The following SNX29 variants were observed in gnomAD, a reference collection of about 807,000 sequenced individuals.
SNX29 encodes the protein sorting nexin 29, also known as sorting nexin-29.
In SNX29, 78 loss-of-function variants were observed where a neutral mutation model predicts 102.1. The observed-to-expected ratio is 0.76, with a 90% CI of 0.64 to 0.92. The LOEUF (loss-of-function observed/expected upper bound fraction) is 0.92. Among genes scored for constraint, SNX29 ranks in the 40% least tolerant of loss-of-function variants. SNX29 has a pLI of 0.00. For missense variants in SNX29, 1,280 were observed against 1,061.7 expected (o/e 1.21, Z -2.86); for synonymous variants, 580 against 414.5 (o/e 1.40, Z -4.85).
chr16:12,554,740 T>C (rs2078217026), intron 20 of SNX29, among the ~76,000 whole-genome samples: 1 of 152,180 alleles, frequency 6.6e-6, no homozygotes, highest in African/African-American at 2.4e-5. Flanking sequence ...AGTTTGCATT[T>C]TCCTTAAGTG....
intron 13 of SNX29, among the ~76,000 whole-genome samples, chr16:12,195,918 C>G (rs192670919): frequency 1.8e-4 from 27 of 151,274 alleles, no homozygotes; most frequent in Middle Eastern, 7.0e-3. Context: ...TGAACTGTGG[C>G]TCTGCCTTTG....
intron 15 of SNX29, among the ~76,000 whole-genome samples, chr16:12,331,023 C>T (rs1431540171): frequency 6.6e-6 from 1 of 152,220 alleles, no homozygotes; most frequent in Non-Finnish European, 1.5e-5. Flanking sequence ...CTTCTTTGGG[C>T]CTCTGTAGCC....
intron 19 of SNX29, among the ~76,000 whole-genome samples, chr16:12,491,704 G>A (rs377054179): frequency 1.3e-5 from 2 of 150,702 alleles, no homozygotes; most frequent in African/African-American, 2.4e-5. Flanking sequence ...AACAGTCCCC[G>A]GTGTGTGATG....
At chr16:12,247,036 C>T (rs976680697) in intron 14 of SNX29, among the ~76,000 whole-genome samples, 2 of 151,994 alleles carry the variant, frequency 1.3e-5, no homozygotes, top group Non-Finnish European at 2.9e-5. Context: ...CTTGTAGGTC[C>T]CTGGAAAGGT....
rs1387243043 is a variant in SNX29, at chr16:12,098,370, A to G, written c.1402+19455A>G. ...ACATCAGCCACCTTGCTCCCCGTCCAGGACTCTAACCATTGGAGTTCACCT... is the reference window on the plus strand; with the variant it reads ...ACATCAGCCACCTTGCTCCCCGTCCGGGACTCTAACCATTGGAGTTCACCT... On this transcript the variant is annotated intron_variant, in intron 11 of 20. Transcript: ENST00000566228. This position sits in a 1 kb window ranked among gnomAD's most constrained non-coding sequence, Gnocchi z 6.0. Among the ~76,000 whole-genome samples, 3 of 152,232 alleles carry G rather than the reference A, an allele frequency of 2.0e-5. No homozygotes were observed. The highest frequency in any genetic ancestry group is 4.4e-5 in the Non-Finnish European group (3 of 68,038).
At chr16:12,519,254 G>T (rs546876394) in intron 19 of SNX29, among the ~76,000 whole-genome samples, 3 of 152,200 alleles carry the variant, frequency 2.0e-5, no homozygotes, top group African/African-American at 7.2e-5. Flanking sequence ...AACAGCTTGT[G>T]GTGAAAATGG....
rs1023509881 is a variant in SNX29, at chr16:12,572,525, C to G, written c.*3896C>G. 9.4e-7 allele frequency: 1 copy of G among 1,064,022 alleles called. No homozygotes were observed. Among genetic ancestry groups the G allele is most frequent in the African/African-American group, 1.6e-5 (1 of 60,982 alleles). The allele number at this position is 1,064,022 out of a possible 1,614,324, so 65.9% of individuals were successfully genotyped here. On this transcript the variant is annotated 3_prime_UTR_variant, in exon 21 of 21. Transcript: ENST00000566228. ...GCCTTCCTGCTCCACGTGCTCAAGC[C>G]CCCACAGGGGGCTGCGACACCATCT...
intron 18 of SNX29, among the ~76,000 whole-genome samples, chr16:12,472,047 C>T (rs1233944591): frequency 1.3e-5 from 2 of 152,196 alleles, no homozygotes; most frequent in Admixed American, 1.3e-4. Context: ...CCTAAATGTC[C>T]ACCCCAGCAG....
intron 13 of SNX29, among the ~76,000 whole-genome samples, chr16:12,175,198 T>C (rs2076233029): frequency 6.6e-6 from 1 of 152,220 alleles, no homozygotes; most frequent in South Asian, 2.1e-4. Flanking sequence ...AGCAGGCAAA[T>C]TTGGCCCCTG....
intron 2 of SNX29, among the ~76,000 whole-genome samples, chr16:12,002,011 C>A (rs1158276935): frequency 1.4e-5 from 1 of 72,126 alleles, no homozygotes; most frequent in Non-Finnish European, 3.1e-5. Context: ...CAGAGAGAGA[C>A]CCTATTTTTT....
At chr16:12,544,212 C>T (rs1319585191) in intron 20 of SNX29, among the ~76,000 whole-genome samples, 2 of 152,234 alleles carry the variant, frequency 1.3e-5, no homozygotes, top group East Asian at 1.9e-4. Context: ...AGAACCGTGA[C>T]AGCCGGTTCC....
At position 12,573,525 on chromosome 16, in the gene SNX29, C is replaced by T. The variant is rs981890650; in HGVS notation, c.*4896C>T. On this transcript the variant is annotated 3_prime_UTR_variant, in exon 21 of 21. Transcript: ENST00000566228. ...GTTTAAGAGGCCCAGGGATTTAGTT[C>T]TTACTGGTGCGTAAGTGTTTTCCCA... The T allele has an allele frequency of 8.9e-6, 2 of 224,676 alleles. No homozygotes were observed. Among genetic ancestry groups the T allele is most frequent in the Non-Finnish European group, 1.8e-5 (2 of 112,742 alleles). 13.9% of individuals were successfully genotyped at this position (224,676 alleles called of 1,614,324 possible). A position where few individuals can be genotyped will look rare whatever the true frequency, so the allele number is the denominator to read the frequency against.
In SNX29 at chr16:12,197,451, A is replaced by T. The variant is rs181664581; in HGVS notation, c.1596-2150A>T. Among the ~76,000 whole-genome samples, 473 of 152,202 alleles carry T rather than the reference A, an allele frequency of 3.1e-3. 2 individuals carry two copies. The highest frequency in any genetic ancestry group is 6.9e-3 in the Admixed American group (105 of 15,284). On this transcript the variant is annotated intron_variant, in intron 13 of 20. Coordinates refer to ENST00000566228, the MANE Select transcript of SNX29 (RefSeq NM_032167.5). ...CCGGTCATGGTGGTGGGCGCCTATA[A>T]TCCCAGATACTTGGGAGGCTGAGGC...
intron 18 of SNX29, among the ~76,000 whole-genome samples, chr16:12,443,609 A>C (rs2085908238): frequency 6.6e-6 from 1 of 152,124 alleles, no homozygotes; most frequent in Non-Finnish European, 1.5e-5. Context: ...GACCGCCATG[A>C]CTGGCTAACT....
intron 15 of SNX29, among the ~76,000 whole-genome samples, chr16:12,290,791 G>A (rs569924634): frequency 2.5e-4 from 38 of 152,232 alleles, no homozygotes; most frequent in African/African-American, 7.7e-4. Flanking sequence ...CTAGACTGAG[G>A]CATAGGAGAG....
chr16:12,328,752 T>C (rs1439862397), intron 15 of SNX29, among the ~76,000 whole-genome samples: 4 of 152,200 alleles, frequency 2.6e-5, no homozygotes, highest in African/African-American at 9.7e-5. Context: ...CTCCCTGTTT[T>C]ACTCAGACTT....
At position 12,043,011 on chromosome 16, in the gene SNX29, G is replaced by C; in HGVS notation, c.362G>C (p.Cys121Ser). The C allele has an allele frequency of 1.2e-6, 2 of 1,613,636 alleles. No individual in the cohort carries two copies. Among genetic ancestry groups the C allele is most frequent in the Non-Finnish European group, 1.7e-6 (2 of 1,179,864 alleles). The change falls in exon 5 of 21, where the codon TGT becomes TCT. Residue 121 changes from cysteine to serine, a missense_variant. Coordinates refer to ENST00000566228, the MANE Select transcript of SNX29 (RefSeq NM_032167.5). ...DVGRGRAWLRCALNEHSLERY... is the reference protein window; with the variant it reads ...DVGRGRAWLRSALNEHSLERY... The stretch of plus-strand genomic sequence containing the variant: ...GGCCGGGGTCGCGCCTGGCTGCGCT[G>C]TGCCCTCAACGAACACTCCCTGGAG...
intron 15 of SNX29, among the ~76,000 whole-genome samples, chr16:12,281,415 G>A (rs1020365026): frequency 4.6e-5 from 7 of 152,132 alleles, no homozygotes; most frequent in African/African-American, 1.4e-4. Context: ...ACCTAAAGTC[G>A]GTGCCATAAA....
intron 8 of SNX29, among the ~76,000 whole-genome samples, chr16:12,055,235 C>CTT (rs201288834): frequency 0.36 from 49,779 of 138,944 alleles, 9,451 homozygotes; most frequent in Middle Eastern, 0.51. Flanking sequence ...TGTTTCCTTT[C>CTT]TTTTTTTTTT....
Sources: gnomAD v4.1 joint callset for allele counts (sites outside exome capture counted in the v4.1 genomes callset) on GRCh38, gnomAD v4.1.1 for gene constraint, Gnocchi (gnomAD v3.1) non-coding constraint, MANE v1.5 for transcripts, NCBI Gene and HGNC (gene_info 2026-07-23, HGNC 2026-07-21) for gene names.